Variants in SSBP4 observed in about 807,000 individuals in gnomAD.
The protein encoded by SSBP4 is single-stranded DNA-binding protein 4.
A neutral mutation model predicts 64.6 loss-of-function variants in SSBP4; 33 were observed. The observed-to-expected ratio is 0.51, with a 90% CI of 0.39 to 0.68. The LOEUF (loss-of-function observed/expected upper bound fraction) is 0.68. Among genes scored for constraint, SSBP4 ranks in the 30% least tolerant of loss-of-function variants. The pLI is 0.00. For synonymous variants in SSBP4, 243 were observed against 224.0 expected, an observed-to-expected ratio of 1.08 and a Z score of -0.76; for missense variants, 583 against 566.8, an observed-to-expected ratio of 1.03 and a Z score of -0.29.
At chr19:18,432,456 G>C (rs1385544580) in intron 10 of SSBP4, 103 bp from the exon 11 acceptor site, 1 of 1,472,340 alleles carries the variant, frequency 6.8e-7, no homozygotes, top group Non-Finnish European at 9.2e-7. Flanking sequence ...GCTGCTCTGT[G>C]GTCGGTCTGG....
At chr19:18,431,246 T>C in intron 5 of SSBP4, 107 bp from the exon 6 acceptor site, 1 of 617,796 alleles carries the variant, frequency 1.6e-6, no homozygotes, top group Non-Finnish European at 2.9e-6. Flanking sequence ...ACAAGGTCCC[T>C]GTCCCACAGG....
intron 1 of SSBP4, among the ~76,000 whole-genome samples, 180 bp downstream of exon 1, chr19:18,419,887 GC>G (rs1972311188): frequency 7.1e-6 from 1 of 141,728 alleles, no homozygotes; most frequent in Non-Finnish European, 1.6e-5. Flanking sequence ...TTGGCGGGGG[GC>G]GCGCGAGACC....
rs778331219 is a variant in SSBP4, at chr19:18,433,146, C to T, written c.924C>T (p.Gly308=). The change falls in exon 15 of 18, where the codon GGC becomes GGT. Residue 308 remains glycine (G), a synonymous_variant. Transcript: ENST00000270061. ...QGAGRANFPL[G]PGPEGPMAAM... is the part of the protein sequence containing the mutation. Reference sequence around the variant, plus strand: ...CCCCATGCCCGCAGTTCCCGCTCGGCCCTGGCCCGGAGGGCCCCATGGCCG... The same window carrying T: ...CCCCATGCCCGCAGTTCCCGCTCGGTCCTGGCCCGGAGGGCCCCATGGCCG... The T allele has an allele frequency of 6.2e-7, 1 of 1,604,160 alleles. No individual in the cohort carries two copies. Among genetic ancestry groups the T allele is most frequent in the Non-Finnish European group, 8.5e-7 (1 of 1,176,112 alleles).
At chr19:18,405,000 A>G in the SSBP4 span, among the ~76,000 whole-genome samples, 2 of 137,902 alleles carry the variant, frequency 1.5e-5, no homozygotes. Context: ...CCCCCCCGCG[A>G]AAGAAAAAAA....
intron 1 of SSBP4, among the ~76,000 whole-genome samples, chr19:18,425,008 A>G (rs1278297793): frequency 1.3e-5 from 2 of 148,900 alleles, no homozygotes; most frequent in Non-Finnish European, 3.0e-5. Context: ...TCATCAAAAC[A>G]GGACGGGCGG....
At chr19:18,433,302 G>T (rs1474296809) in intron 15 of SSBP4, 89 bp downstream of exon 15, 17 of 1,483,672 alleles carry the variant, frequency 1.1e-5, no homozygotes, top group Non-Finnish European at 1.4e-5. Flanking sequence ...CCGCCTGCCG[G>T]GTGGAGGCGT....
chr19:18,403,007 T>C, the SSBP4 span, among the ~76,000 whole-genome samples: 2 of 152,208 alleles, frequency 1.3e-5, no homozygotes, highest in Non-Finnish European at 2.9e-5. Context: ...AAAACCCGAT[T>C]GTACATTTGT....
At chr19:18,420,390 C>T (rs1001591150) in intron 1 of SSBP4, among the ~76,000 whole-genome samples, 3 of 151,996 alleles carry the variant, frequency 2.0e-5, no homozygotes, top group African/African-American at 7.2e-5. Context: ...ACCAGGCGCT[C>T]TGAAGCTGGT....
chr19:18,419,125 A>G (rs1296825263), upstream of SSBP4: 1 of 985,432 alleles, frequency 1.0e-6, no homozygotes, highest in Non-Finnish European at 1.2e-6. Context: ...GTGTACAACA[A>G]TGTGGGTGGC....
chr19:18,403,107 G>A, the SSBP4 span, among the ~76,000 whole-genome samples: 1 of 152,254 alleles, frequency 6.6e-6, no homozygotes, highest in South Asian at 2.1e-4. Flanking sequence ...ACTCGGCTGA[G>A]ATGTTTGGGT....
rs1402859591 is a variant in SSBP4, at chr19:18,433,817, C to T, written c.1128C>T (p.Ser376=). Residue 376 remains serine (S), a splice_region_variant and synonymous_variant, in exon 17 of 18, where the codon AGC becomes AGT. Transcript: ENST00000270061. ...GTFLHPFPSE[S]YSPGMTMSV ...TCCTGCACCCGTTCCCGAGCGAAAGCGTAAGCGACTGCGTCGACTCCCCCC... is the reference window on the plus strand; with the variant it reads ...TCCTGCACCCGTTCCCGAGCGAAAGTGTAAGCGACTGCGTCGACTCCCCCC... The T allele has an allele frequency of 3.5e-6, 5 of 1,423,994 alleles. No individual in the cohort carries two copies. The Admixed American group carries it at 8.4e-5, about 24-fold the overall frequency. The allele number at this position is 1,423,994 out of a possible 1,614,324, so 88.2% of individuals were successfully genotyped here. A position where few individuals can be genotyped will look rare whatever the true frequency, so the allele number is the denominator to read the frequency against.
chr19:18,428,281 C>T (rs924003877), intron 4 of SSBP4, among the ~76,000 whole-genome samples: 1 of 152,200 alleles, frequency 6.6e-6, no homozygotes, highest in Non-Finnish European at 1.5e-5. Context: ...GGTGCCATTT[C>T]CCCGCATCTC....
the SSBP4 span, among the ~76,000 whole-genome samples, chr19:18,412,409 C>T: frequency 2.2e-5 from 3 of 137,916 alleles, no homozygotes; most frequent in Non-Finnish European, 3.0e-5. Flanking sequence ...TGCAGTGAGT[C>T]GAGATCGCAC....
chr19:18,433,391 C>T, intron 15 of SSBP4, 178 bp downstream of exon 15: 2 of 1,267,278 alleles, frequency 1.6e-6, no homozygotes, highest in Non-Finnish European at 2.2e-6. Context: ...AGCGACCAAA[C>T]CAGAGGATGC....
chr19:18,430,767 A>T, intron 4 of SSBP4, 74 bp from the exon 5 acceptor site: 1 of 954,600 alleles, frequency 1.0e-6, no homozygotes, highest in Non-Finnish European at 1.4e-6. Context: ...ACCTGCAGAG[A>T]GGGGGGGCAC....
chr19:18,416,173 C>A (rs939638859), upstream of SSBP4, among the ~76,000 whole-genome samples: 1 of 152,142 alleles, frequency 6.6e-6, no homozygotes, highest in Non-Finnish European at 1.5e-5. Flanking sequence ...CGCCACTACA[C>A]CCAGCTAATT....
Position 18,427,609 on chromosome 19 carries a change from G to T in SSBP4, c.133-143G>T. 1 of 1,197,714 alleles carries T rather than the reference G, an allele frequency of 8.3e-7. No individual in the cohort carries two copies. The highest frequency in any genetic ancestry group is 1.1e-6 in the Non-Finnish European group (1 of 870,874). The allele number at this position is 1,197,714 out of a possible 1,614,324, so 74.2% of individuals were successfully genotyped here. ...TGGTCCACATGCCCAGCCGGGACCT[G>T]CCACACATCCTGGGGCCCTCTGCCC... On this transcript the variant is annotated intron_variant, in intron 2 of 17. Coordinates refer to ENST00000270061, the MANE Select transcript of SSBP4 (RefSeq NM_032627.5). This position sits in a 1 kb window ranked among gnomAD's most constrained non-coding sequence, Gnocchi z 4.4.
rs773645780 is a variant in SSBP4 at position 18,426,622 on chromosome 19, G to T, written c.60-729G>T. ...TGGAGCCACCTGGCTGGGCGAGGGT[G>T]ACTCAGGTCCAAGCCCTTGGGGTGC... On this transcript the variant is annotated intron_variant, in intron 1 of 17. Coordinates refer to ENST00000270061, the MANE Select transcript of SSBP4 (RefSeq NM_032627.5). The surrounding 1 kb of genome is among the most constrained non-coding windows in gnomAD (Gnocchi z 4.5). 6.6e-6 allele frequency among the ~76,000 whole-genome samples: 1 copy of T among 152,200 alleles called. No individual in the cohort carries two copies. The highest frequency in any genetic ancestry group is 6.5e-5 in the Admixed American group (1 of 15,286).
chr19:18,420,862 AC>A (rs1404664855), intron 1 of SSBP4, among the ~76,000 whole-genome samples: 2 of 150,396 alleles, frequency 1.3e-5, no homozygotes, highest in African/African-American at 2.5e-5. Context: ...AAAAAAAAAA[AC>A]AAAAAACAAA....
Sources: gnomAD v4.1 joint callset for allele counts (sites outside exome capture counted in the v4.1 genomes callset) on GRCh38, gnomAD v4.1.1 for gene constraint, Gnocchi (gnomAD v3.1) non-coding constraint, MANE v1.5 for transcripts, NCBI Gene and HGNC (gene_info 2026-07-23, HGNC 2026-07-21) for gene names.